AOPEP: variants seen among roughly 807,000 people sequenced by gnomAD.
The protein encoded by AOPEP is aminopeptidase O (putative).
In AOPEP, 77 loss-of-function variants were observed where a neutral mutation model predicts 98.1. The ratio of observed to expected loss-of-function variants is 0.78; its 90% confidence interval spans 0.65 to 0.95. The LOEUF (loss-of-function observed/expected upper bound fraction) is 0.95, where lower values mean the gene tolerates loss of function less well. AOPEP is among the 40% of genes least tolerant of loss of function. AOPEP has a pLI of 0.00. For synonymous variants in AOPEP, 346 were observed against 365.3 expected (o/e 0.95, Z 0.60); for missense variants, 1,024 against 1,024.7 (o/e 1.00, Z 0.01).
At chr9:95,101,675 C>T in the AOPEP span, 1 of 1,612,274 alleles carries the variant, frequency 6.2e-7, no homozygotes, top group African/African-American at 1.3e-5. Flanking sequence ...CCTGATCCCT[C>T]ACGCCGGGCA....
chr9:94,878,864 G>C (rs1203262465), intron 5 of AOPEP, among the ~76,000 whole-genome samples: 2 of 152,220 alleles, frequency 1.3e-5, no homozygotes, highest in Non-Finnish European at 2.9e-5. Flanking sequence ...CAAGACAGGG[G>C]AATTGCAATA....
rs114172920 is a variant in AOPEP at position 94,755,188 on chromosome 9, T to C, written c.-135-4461T>C. On this transcript the variant is annotated intron_variant, in intron 1 of 16. Coordinates refer to ENST00000375315, the MANE Select transcript of AOPEP (RefSeq NM_001193329.3). ...GGGGGGACCTTTGTATGTTATGGCT[T>C]ATGACAGAGAATGGAAAAATGCTTC... Among the ~76,000 whole-genome samples the C allele has an allele frequency of 2.7e-3, 412 of 152,284 alleles. 2 individuals carry two copies. Among genetic ancestry groups the C allele is most frequent in the African/African-American group, 9.4e-3 (390 of 41,530 alleles).
intron 1 of AOPEP, among the ~76,000 whole-genome samples, chr9:94,755,752 A>C (rs1483194482): frequency 1.3e-5 from 2 of 152,228 alleles, no homozygotes; most frequent in East Asian, 3.8e-4. Context: ...TTCCAAGGAA[A>C]AGCATCAGCA....
intron 10 of AOPEP, 53 bp downstream of exon 10, chr9:94,967,854 A>G: frequency 7.0e-7 from 1 of 1,432,448 alleles, no homozygotes; most frequent in Non-Finnish European, 9.9e-7. Context: ...TAATGTTAAA[A>G]ATGACATTGC....
At chr9:95,073,998 T>TA (rs1372316068) in intron 14 of AOPEP, among the ~76,000 whole-genome samples, 1 of 152,232 alleles carries the variant, frequency 6.6e-6, no homozygotes, top group East Asian at 1.9e-4. Flanking sequence ...CACACATAGA[T>TA]ATGCATACGT....
chr9:94,986,543 C>G (rs1359510352), intron 11 of AOPEP, among the ~76,000 whole-genome samples: 1 of 152,152 alleles, frequency 6.6e-6, no homozygotes, highest in African/African-American at 2.4e-5. Flanking sequence ...GATGAATATG[C>G]TTTGGGTACA....
chr9:95,012,568 A>C (rs963196803), intron 13 of AOPEP, among the ~76,000 whole-genome samples: 20 of 152,158 alleles, frequency 1.3e-4, no homozygotes, highest in Non-Finnish European at 7.4e-5. Flanking sequence ...CTCATATGGC[A>C]CTAATAAGGT....
intron 7 of AOPEP, among the ~76,000 whole-genome samples, chr9:94,947,859 GAGCCC>G (rs1424534541): frequency 6.6e-6 from 1 of 152,112 alleles, no homozygotes; most frequent in Non-Finnish European, 1.5e-5. Context: ...TCTGACCCCA[GAGCCC>G]AGCTCCTAAC....
intron 11 of AOPEP, among the ~76,000 whole-genome samples, chr9:94,996,754 T>G (rs940372563): frequency 2.0e-5 from 3 of 152,214 alleles, no homozygotes; most frequent in African/African-American, 7.2e-5. Flanking sequence ...GTAAGGCATT[T>G]TGTCAGAATA....
intron 3 of AOPEP, among the ~76,000 whole-genome samples, chr9:94,785,135 A>G (rs1050397574): frequency 5.3e-5 from 8 of 151,400 alleles, no homozygotes; most frequent in Middle Eastern, 6.8e-3. Flanking sequence ...GGTTTCCGCT[A>G]TGTTGGCCAG....
intron 3 of AOPEP, among the ~76,000 whole-genome samples, chr9:94,775,877 T>C (rs1047776927): frequency 6.6e-6 from 1 of 151,852 alleles, no homozygotes; most frequent in Non-Finnish European, 1.5e-5. Context: ...TCCCAGCTAC[T>C]CGGGAGGCTG....
At chr9:94,852,223 A>C (rs2043641433) in intron 5 of AOPEP, among the ~76,000 whole-genome samples, 1 of 152,158 alleles carries the variant, frequency 6.6e-6, no homozygotes, top group Admixed American at 6.6e-5. Context: ...CCCACCCCAG[A>C]GATTCTGATT....
At chr9:95,110,754 T>G in the AOPEP span, 103 of 1,097,984 alleles carry the variant, frequency 9.4e-5, no homozygotes, top group African/African-American at 1.6e-3. Context: ...GCACTGGCAG[T>G]TGAAGTTTTA....
At chr9:94,797,856 C>CCA (rs1347627572) in intron 4 of AOPEP, among the ~76,000 whole-genome samples, 1 of 152,078 alleles carries the variant, frequency 6.6e-6, no homozygotes, top group East Asian at 1.9e-4. Context: ...GCATGCACCA[C>CCA]CACACTCGGC....
chr9:94,988,303 C>T (rs1019244316), intron 11 of AOPEP, among the ~76,000 whole-genome samples: 2 of 152,072 alleles, frequency 1.3e-5, no homozygotes, highest in Non-Finnish European at 2.9e-5. Context: ...CGGGGAAGGA[C>T]GTTGGGAAGT....
intron 7 of AOPEP, among the ~76,000 whole-genome samples, chr9:94,943,928 A>AC (rs1189230962): frequency 0.04 from 5,977 of 148,852 alleles, 596 homozygotes; most frequent in African/African-American, 0.14. Context: ...TCAAAAAAAA[A>AC]AAAAAAAAAA....
At chr9:95,035,326 C>T (rs142928857) in intron 13 of AOPEP, among the ~76,000 whole-genome samples, 2 of 151,972 alleles carry the variant, frequency 1.3e-5, no homozygotes, top group East Asian at 3.9e-4. Flanking sequence ...TGATGTATCT[C>T]GTAGGAGCAG....
intron 5 of AOPEP, among the ~76,000 whole-genome samples, chr9:94,887,760 C>A (rs187759707): frequency 6.6e-6 from 1 of 152,290 alleles, no homozygotes; most frequent in Non-Finnish European, 1.5e-5. Context: ...GACAGATAGA[C>A]CTGTGCACAG....
chr9:95,080,723 T>C lies in AOPEP; in HGVS notation c.2262T>C (p.Val754=). 1 of 1,614,010 alleles carries C rather than the reference T, an allele frequency of 6.2e-7. No homozygotes were observed. Among genetic ancestry groups the C allele is most frequent in the South Asian group, 1.1e-5 (1 of 91,068 alleles). The change falls in exon 15 of 17, where the codon GTT becomes GTC. Residue 754 remains valine, a synonymous_variant. Coordinates refer to ENST00000375315, the MANE Select transcript of AOPEP (RefSeq NM_001193329.3). ...GCCATCGGTGGTGTGAACTCATTGT[T>C]AAGCACAAGTTCACGAAAGCCTACA... The part of the protein sequence containing the change: ...EVRHRWCELI[V]KHKFTKAYKS...
Sources: allele counts gnomAD v4.1 joint callset (sites outside exome capture counted in the v4.1 genomes callset), GRCh38; gene constraint gnomAD v4.1.1; transcripts MANE v1.5; gene names NCBI Gene and HGNC (gene_info 2026-07-23, HGNC 2026-07-21).